LIN54: variants seen among roughly 807,000 people sequenced by gnomAD.
The protein encoded by LIN54 is protein lin-54 homolog.
In LIN54, 9 loss-of-function variants were observed where a neutral mutation model predicts 78.7. The ratio of observed to expected loss-of-function variants is 0.11; its 90% confidence interval spans 0.07 to 0.20. LIN54 has a LOEUF of 0.20. Among genes scored for constraint, LIN54 ranks in the 10% least tolerant of loss-of-function variants. The probability of loss-of-function intolerance (pLI) is 1.00; values close to 1 mark genes in which losing one functional copy is unlikely to be tolerated. For synonymous variants in LIN54, 269 were observed against 318.4 expected (o/e 0.84, Z 1.65); for missense variants, 573 against 889.9 (o/e 0.64, Z 4.53).
At chr4:82,986,702 CAAAAAAAAAAA>C (rs70943178) in intron 1 of LIN54, among the ~76,000 whole-genome samples, 13 of 68,750 alleles carry the variant, frequency 1.9e-4, no homozygotes, top group African/African-American at 5.2e-4. Context: ...GACCCCATCT[CAAAAAAAAAAA>C]AAAAAAAAAA....
chr4:82,979,097 A>G, intron 2 of LIN54, 91 bp from the exon 3 acceptor site: 1 of 962,968 alleles, frequency 1.0e-6, no homozygotes, highest in South Asian at 2.0e-5. Flanking sequence ...AAAGTAGCAC[A>G]TGTAAAACCA....
At chr4:82,965,867 G>A (rs139949837) in intron 4 of LIN54, among the ~76,000 whole-genome samples, 239 of 152,216 alleles carry the variant, frequency 1.6e-3, no homozygotes, top group African/African-American at 5.5e-3. Flanking sequence ...AAGGGTGAGT[G>A]CTTCAGCTTT....
At chr4:82,944,718 T>C (rs1386964992) in intron 5 of LIN54, 1 of 150,032 alleles carries the variant, frequency 6.7e-6, no homozygotes, top group Non-Finnish European at 1.5e-5. Flanking sequence ...AAATCTCTGA[T>C]TTTTTTTTTA....
chr4:83,006,824 A>C (rs1238829785), intron 1 of LIN54, among the ~76,000 whole-genome samples: 1 of 152,202 alleles, frequency 6.6e-6, no homozygotes, highest in Admixed American at 6.5e-5. Flanking sequence ...TGTATTTCAA[A>C]GGGTGTGAAT....
At chr4:82,985,336 T>C (rs548993724) in intron 1 of LIN54, among the ~76,000 whole-genome samples, 2 of 152,312 alleles carry the variant, frequency 1.3e-5, no homozygotes, top group South Asian at 4.1e-4. Context: ...TCCAATGAGC[T>C]ACGTCCTAAT....
chr4:82,995,364 TA>T (rs1460740580), intron 1 of LIN54, among the ~76,000 whole-genome samples: 2 of 151,430 alleles, frequency 1.3e-5, no homozygotes, highest in African/African-American at 4.8e-5. Context: ...AATTTTTTTT[TA>T]AAAAAGGTCT....
At chr4:82,987,057 G>A (rs1427984428) in intron 1 of LIN54, among the ~76,000 whole-genome samples, 6 of 152,140 alleles carry the variant, frequency 3.9e-5, no homozygotes, top group Admixed American at 2.6e-4. Flanking sequence ...TTGGGAGGCC[G>A]AGGTGGGCAG....
rs528927095 is a variant in LIN54 at position 82,947,599 on chromosome 4, T to C, written c.952-1125A>G. 1.1e-4 allele frequency among the ~76,000 whole-genome samples: 17 copies of C among 152,196 alleles called. No individual in the cohort carries two copies. In the South Asian group the frequency reaches 3.1e-3, roughly 28 times the overall value. On this transcript the variant is annotated intron_variant, in intron 4 of 12. Coordinates refer to ENST00000340417, the MANE Select transcript of LIN54 (RefSeq NM_194282.4). ...AATTATTTTTAAAATTAAAGACTGA[T>C]ATTAATCCTTTTCTTTGGTCTGACA...
intron 1 of LIN54, 21 bp downstream of exon 1, chr4:83,010,463 G>T: frequency 1.1e-6 from 1 of 936,024 alleles, no homozygotes; most frequent in Non-Finnish European, 1.2e-6. Context: ...AGAAGCCCTC[G>T]GGTACCCCAT....
At chr4:82,988,263 A>G (rs757194788) in intron 1 of LIN54, among the ~76,000 whole-genome samples, 1 of 152,174 alleles carries the variant, frequency 6.6e-6, no homozygotes, top group Non-Finnish European at 1.5e-5. Context: ...ATAATATATT[A>G]TGTACTTATG....
intron 4 of LIN54, among the ~76,000 whole-genome samples, chr4:82,960,795 C>T (rs1177191188): frequency 6.6e-6 from 1 of 152,140 alleles, no homozygotes; most frequent in East Asian, 1.9e-4. Flanking sequence ...CGTGGTAGCT[C>T]ATACATGTAA....
At chr4:82,995,305 G>A (rs992299034) in intron 1 of LIN54, among the ~76,000 whole-genome samples, 2 of 150,674 alleles carry the variant, frequency 1.3e-5, no homozygotes, top group African/African-American at 4.9e-5. Context: ...GTCTCTGGGG[G>A]GAAAAAAATT....
Position 82,925,683 on chromosome 4 carries a change from GTGT to G in LIN54, c.*2416_*2418del, listed in dbSNP as rs1302196721. 2 of 151,510 alleles carry G rather than the reference GTGT, an allele frequency of 1.3e-5. No individual in the cohort carries two copies. Among genetic ancestry groups the G allele is most frequent in the South Asian group, 2.1e-4 (1 of 4,826 alleles). The allele number at this position is 151,510 out of a possible 1,614,324, so 9.4% of individuals were successfully genotyped here. On this transcript the variant is annotated 3_prime_UTR_variant, in exon 13 of 13. Transcript: ENST00000340417. ...TGCATATTAAATGGTTAATAAAGTG[GTGT>G]TATTATACTAAAGAAAAAATGCAAA...
rs150999276 is a variant in LIN54 at position 82,987,151 on chromosome 4, C to T, written c.-32-2275G>A. 1.2e-3 allele frequency among the ~76,000 whole-genome samples: 177 copies of T among 152,240 alleles called. 4 individuals carry two copies. In the South Asian group the frequency reaches 0.028, roughly 24 times the overall value. On this transcript the variant is annotated intron_variant, in intron 1 of 12. Coordinates refer to ENST00000340417, the MANE Select transcript of LIN54 (RefSeq NM_194282.4). ...ACTAAAAATACAAAAATTAGCTAGGCGTGGTGGTGGGTGCTTGTAATTCCA... is the reference window on the plus strand; with the variant it reads ...ACTAAAAATACAAAAATTAGCTAGGTGTGGTGGTGGGTGCTTGTAATTCCA...
At chr4:82,980,157 C>G (rs1364257467) in intron 2 of LIN54, among the ~76,000 whole-genome samples, 3 of 151,886 alleles carry the variant, frequency 2.0e-5, no homozygotes, top group Non-Finnish European at 4.4e-5. Flanking sequence ...TAATTCTCCA[C>G]AAGTCAAGGA....
intron 1 of LIN54, among the ~76,000 whole-genome samples, chr4:82,987,481 A>G (rs1303795370): frequency 6.6e-6 from 1 of 152,182 alleles, no homozygotes; most frequent in African/African-American, 2.4e-5. Flanking sequence ...TACGTGTGCC[A>G]TGGTGGTTTG....
chr4:83,011,585 C>T (rs1323428231), upstream of LIN54, among the ~76,000 whole-genome samples: 1 of 137,876 alleles, frequency 7.3e-6, no homozygotes, highest in African/African-American at 2.9e-5. Context: ...GGATCTAAGT[C>T]ATCAAATTAA....
rs149250571 is a variant in LIN54 at position 82,970,443 on chromosome 4, C to T, written c.835G>A (p.Gly279Arg). 60 of 1,611,254 alleles carry T rather than the reference C, an allele frequency of 3.7e-5. No homozygotes were observed. The highest frequency in any genetic ancestry group is 1.6e-4 in the Middle Eastern group (1 of 6,070). ...ATTGTTATGGTCTTTGATGGAGTTC[C>T]GGGAGTAGACTGTGAAAGAACCCTA... ...AGRVLSQSTP[G>R]TPSKTITISE... The change falls in exon 4 of 13, where the codon GGA becomes AGA. Residue 279 changes from glycine (G) to arginine (R), a missense_variant. By Grantham distance (125) the Gly-to-Arg change is moderately radical. This residue lies in a region of LIN54 where 199 missense variants were observed against 260.9 expected (regional missense o/e 0.76). Transcript: ENST00000340417.
Position 82,937,248 on chromosome 4 carries a change from G to C in LIN54, c.1583C>G (p.Thr528Arg). The change falls in exon 9 of 13, where the codon ACA becomes AGA. Residue 528 changes from threonine (T) to arginine (R), a missense_variant. By Grantham distance (71) the Thr-to-Arg change is moderately conservative. Coordinates refer to ENST00000340417, the MANE Select transcript of LIN54 (RefSeq NM_194282.4). ...TTACAATTTCAAACACAGTGATTTT[G>C]TACAATTACAGGGCTTTCGGGGCCG... The part of the protein sequence containing the change: ...ASRPRKPCNC[T>R]KSLCLKLYCD... The C allele has an allele frequency of 6.7e-7, 1 of 1,501,570 alleles. No homozygotes were observed. 93.0% of individuals were successfully genotyped at this position (1,501,570 alleles called of 1,614,324 possible). A position where few individuals can be genotyped will look rare whatever the true frequency, so the allele number is the denominator to read the frequency against.
Sources: allele counts gnomAD v4.1 joint callset (sites outside exome capture counted in the v4.1 genomes callset), GRCh38; gene constraint gnomAD v4.1.1; regional missense constraint gnomAD v4.1.1; transcripts MANE v1.5; gene names NCBI Gene and HGNC (gene_info 2026-07-23, HGNC 2026-07-21).